NCK1: variants seen among roughly 807,000 people sequenced by gnomAD.
NCK1 encodes NCK adaptor protein 1, also known as SH2/SH3 adapter protein NCK1.
NCK1 carries 19 observed loss-of-function variants against 36.6 expected under a neutral mutation model. The observed-to-expected ratio is 0.52, with a 90% CI of 0.36 to 0.76. The LOEUF (loss-of-function observed/expected upper bound fraction) is 0.76, where lower values mean the gene tolerates loss of function less well. Ranked by LOEUF, NCK1 falls within the 30% of genes least tolerant of loss-of-function variation. The pLI is 0.00. For synonymous variants in NCK1, 165 were observed against 156.0 expected (o/e 1.06, Z -0.43); for missense variants, 358 against 445.6 (o/e 0.80, Z 1.77).
At chr3:136,873,785 G>A (rs1938691741) in intron 1 of NCK1, among the ~76,000 whole-genome samples, 1 of 152,204 alleles carries the variant, frequency 6.6e-6, no homozygotes, top group African/African-American at 2.4e-5. Flanking sequence ...TTTAAAAACG[G>A]GAGTTTCCCT....
At chr3:136,916,073 A>G (rs1010010892) in intron 1 of NCK1, among the ~76,000 whole-genome samples, 15 of 152,146 alleles carry the variant, frequency 9.9e-5, no homozygotes, top group African/African-American at 3.6e-4. Context: ...TTCATCATGG[A>G]ACAACAGCTA....
At chr3:136,937,062 A>C (rs954248664) in intron 2 of NCK1, among the ~76,000 whole-genome samples, 1 of 152,130 alleles carries the variant, frequency 6.6e-6, no homozygotes, top group Admixed American at 6.5e-5. Flanking sequence ...GGTCACAGAT[A>C]TTTGCTCCTA....
rs536856542 is a variant in NCK1 at position 136,949,917 on chromosome 3, C to T, written c.*1464C>T. 1.1e-3 allele frequency: 173 copies of T among 152,112 alleles called. No individual in the cohort carries two copies. Among genetic ancestry groups the T allele is most frequent in the African/African-American group, 3.8e-3 (158 of 41,536 alleles). The allele number at this position is 152,112 out of a possible 1,614,324, so 9.4% of individuals were successfully genotyped here. On this transcript the variant is annotated 3_prime_UTR_variant, in exon 4 of 4. Transcript: ENST00000481752. ...ACTTATGTTGCCACTGGGTGGCAGC[C>T]ATGGCTTCTCCCACTAAGCAACAGA...
chr3:136,889,544 C>T (rs1267525270), intron 1 of NCK1, among the ~76,000 whole-genome samples: 4 of 151,996 alleles, frequency 2.6e-5, no homozygotes, highest in African/African-American at 7.2e-5. Context: ...GGGACCCGAG[C>T]GGGTTGCCAC....
intron 1 of NCK1, among the ~76,000 whole-genome samples, chr3:136,904,115 A>G (rs1939618054): frequency 6.6e-6 from 1 of 152,106 alleles, no homozygotes; most frequent in Non-Finnish European, 1.5e-5. Flanking sequence ...TGCTGGGTAT[A>G]GTATCCTTGA....
At chr3:136,895,321 TTA>T (rs557847316) in intron 1 of NCK1, among the ~76,000 whole-genome samples, 2 of 151,684 alleles carry the variant, frequency 1.3e-5, no homozygotes, top group Non-Finnish European at 1.5e-5. Flanking sequence ...GTTTATTTTA[TTA>T]TATATATATA....
intron 1 of NCK1, among the ~76,000 whole-genome samples, chr3:136,889,768 G>A (rs549864161): frequency 2.2e-4 from 34 of 152,264 alleles, no homozygotes; most frequent in African/African-American, 4.6e-4. Context: ...AGCTAGCTAC[G>A]GAGTGTCGAT....
chr3:136,911,772 T>C (rs1939831955), intron 1 of NCK1, among the ~76,000 whole-genome samples: 2 of 152,344 alleles, frequency 1.3e-5, no homozygotes, highest in South Asian at 2.1e-4. Flanking sequence ...CTAGTGGTAA[T>C]GAATTTCCTT....
chr3:136,906,888 G>T (rs767003507), intron 1 of NCK1, among the ~76,000 whole-genome samples: 1 of 152,114 alleles, frequency 6.6e-6, no homozygotes, highest in Non-Finnish European at 1.5e-5. Flanking sequence ...CCAGGCCCAC[G>T]GATTGCATGC....
At chr3:136,921,375 G>A (rs1940105296) in intron 1 of NCK1, among the ~76,000 whole-genome samples, 1 of 152,192 alleles carries the variant, frequency 6.6e-6, no homozygotes, top group South Asian at 2.1e-4. Flanking sequence ...GTAAGACATA[G>A]GATCTAGGAA....
chr3:136,946,010 T>A lies in NCK1; in HGVS notation c.654T>A (p.Asp218Glu), dbSNP rs555454382. 3 of 1,614,024 alleles carry A rather than the reference T, an allele frequency of 1.9e-6. No individual in the cohort carries two copies. The highest frequency in any genetic ancestry group is 1.1e-5 in the South Asian group (1 of 91,078). ...ELNFEKGDVM[D>E]VIEKPENDPE... Reference sequence around the variant, plus strand: ...ATTTCGAGAAAGGAGATGTAATGGATGTTATTGAAAAACCTGAAAATGACC... The same window carrying A: ...ATTTCGAGAAAGGAGATGTAATGGAAGTTATTGAAAAACCTGAAAATGACC... Residue 218 changes from aspartate (D) to glutamate (E), a missense_variant, in exon 3 of 4, where the codon GAT becomes GAA. By Grantham distance (45) the Asp-to-Glu change is conservative (BLOSUM62 2). Around this residue, in one of 3 missense-constraint regions of NCK1, gnomAD observed 207 missense variants for 253.4 expected, o/e 0.82. Coordinates refer to ENST00000481752, the MANE Select transcript of NCK1 (RefSeq NM_001291999.2).
intron 1 of NCK1, among the ~76,000 whole-genome samples, chr3:136,900,290 A>G (rs1939509648): frequency 6.6e-6 from 1 of 152,092 alleles, no homozygotes; most frequent in African/African-American, 2.4e-5. Flanking sequence ...GTTTTATTCC[A>G]TTAGTCTATG....
intron 1 of NCK1, among the ~76,000 whole-genome samples, chr3:136,883,894 G>A (rs1939008625): frequency 6.6e-6 from 1 of 152,170 alleles, no homozygotes; most frequent in African/African-American, 2.4e-5. Flanking sequence ...TGAATTGGAA[G>A]ATAATGATTT....
intron 1 of NCK1, among the ~76,000 whole-genome samples, chr3:136,892,916 C>A (rs1939285801): frequency 6.6e-6 from 1 of 151,974 alleles, no homozygotes; most frequent in Non-Finnish European, 1.5e-5. Flanking sequence ...CATCACCCAA[C>A]AGCAATGTAC....
chr3:136,928,408 A>G, intron 2 of NCK1, 181 bp downstream of exon 2: 1 of 590,074 alleles, frequency 1.7e-6, no homozygotes, highest in Non-Finnish European at 3.0e-6. Context: ...GTTAACATGC[A>G]GTTTCTGTAA....
intron 1 of NCK1, among the ~76,000 whole-genome samples, chr3:136,908,976 G>A (rs1939765882): frequency 6.6e-6 from 1 of 152,108 alleles, no homozygotes; most frequent in Non-Finnish European, 1.5e-5. Flanking sequence ...ATGAATTAAT[G>A]CTGTTATTTT....
At chr3:136,900,103 A>G (rs928754369) in intron 1 of NCK1, 7 of 420,846 alleles carry the variant, frequency 1.7e-5, no homozygotes, top group Admixed American at 4.0e-5. Flanking sequence ...TGATATTTAC[A>G]CTTCCCAAGT....
intron 1 of NCK1, among the ~76,000 whole-genome samples, chr3:136,863,162 T>A (rs915856850): frequency 4.6e-5 from 7 of 152,100 alleles, no homozygotes; most frequent in Non-Finnish European, 1.0e-4. Context: ...TTATGCACGT[T>A]AGATTAGGTA....
chr3:136,903,650 C>G (rs1939605586), intron 1 of NCK1, among the ~76,000 whole-genome samples: 1 of 152,118 alleles, frequency 6.6e-6, no homozygotes, highest in African/African-American at 2.4e-5. Flanking sequence ...GTCTTGAACC[C>G]CTGACCTCAG....
Sources: allele counts gnomAD v4.1 joint callset (sites outside exome capture counted in the v4.1 genomes callset), GRCh38; gene constraint gnomAD v4.1.1; regional missense constraint gnomAD v4.1.1; transcripts MANE v1.5; gene names NCBI Gene and HGNC (gene_info 2026-07-23, HGNC 2026-07-21).